Variants in IL15 observed in about 807,000 individuals in gnomAD.
The protein encoded by IL15 is interleukin-15.
In IL15, 11 loss-of-function variants were observed where a neutral mutation model predicts 19.6. The ratio of observed to expected loss-of-function variants is 0.56; its 90% CI spans 0.35 to 0.93. The LOEUF is 0.93. Ranked by LOEUF, IL15 falls within the 40% of genes least tolerant of loss-of-function variation. IL15 has a pLI of 0.01. For synonymous variants in IL15, 58 were observed against 59.6 expected (o/e 0.97, Z 0.12); for missense variants, 197 against 186.5 (o/e 1.06, Z -0.33).
At position 141,719,382 on chromosome 4, in the gene IL15, C is replaced by T; in HGVS notation, c.-83C>T. The T allele has an allele frequency of 2.8e-6, 2 of 714,418 alleles. No homozygotes were observed. Among genetic ancestry groups the T allele is most frequent in the Non-Finnish European group, 5.1e-6 (2 of 391,592 alleles). The allele number at this position is 714,418 out of a possible 1,614,324, so 44.3% of individuals were successfully genotyped here. A position where few individuals can be genotyped will look rare whatever the true frequency, so the allele number is the denominator to read the frequency against. ...TTACCCTAGATTGTATTGTAGGAGG[C>T]ATTGTGGATGGATGGCTGCTGGAAA... On this transcript the variant is annotated 5_prime_UTR_variant, in exon 3 of 8. Transcript: ENST00000320650.
chr4:141,664,945 CTGTG>C (rs1475779504), intron 2 of IL15, among the ~76,000 whole-genome samples: 1 of 151,526 alleles, frequency 6.6e-6, no homozygotes, highest in Non-Finnish European at 1.5e-5. Flanking sequence ...CTTTTGATTA[CTGTG>C]TAAGTTGAGT....
intron 2 of IL15, among the ~76,000 whole-genome samples, chr4:141,696,914 C>T (rs369192756): frequency 1.4e-3 from 215 of 152,010 alleles, no homozygotes; most frequent in African/African-American, 4.9e-3. Context: ...GAATATTAGT[C>T]TTTTGTCAGT....
chr4:141,671,189 C>G (rs1328667815), intron 2 of IL15, among the ~76,000 whole-genome samples: 1 of 152,156 alleles, frequency 6.6e-6, no homozygotes, highest in Non-Finnish European at 1.5e-5. Flanking sequence ...TGAGGAATCT[C>G]ATATTTTGTG....
At chr4:141,671,058 C>T (rs144527090) in intron 2 of IL15, among the ~76,000 whole-genome samples, 1 of 152,186 alleles carries the variant, frequency 6.6e-6, no homozygotes, top group East Asian at 1.9e-4. Flanking sequence ...TTCATCCATC[C>T]GTCTAACAAT....
intron 2 of IL15, among the ~76,000 whole-genome samples, chr4:141,666,046 A>ACT (rs1727960712): frequency 6.6e-6 from 1 of 151,668 alleles, no homozygotes; most frequent in African/African-American, 2.4e-5. Context: ...AGGACTCAGA[A>ACT]AACAGAATCT....
At chr4:141,721,086 A>G in intron 4 of IL15, 1 of 1,453,824 alleles carries the variant, frequency 6.9e-7, no homozygotes, top group African/African-American at 1.4e-5. Context: ...AGTTGGCCCA[A>G]AGCACCTAAC....
At chr4:141,703,004 G>A (rs1375004765) in intron 2 of IL15, among the ~76,000 whole-genome samples, 2 of 152,270 alleles carry the variant, frequency 1.3e-5, no homozygotes, top group Non-Finnish European at 2.9e-5. Context: ...AACTGCCTCT[G>A]CTATGCAGAA....
At chr4:141,639,087 G>T (rs941969983) in intron 1 of IL15, among the ~76,000 whole-genome samples, 3 of 152,216 alleles carry the variant, frequency 2.0e-5, no homozygotes, top group African/African-American at 7.2e-5. Flanking sequence ...ATTGTTCTAA[G>T]GATGTATTTT....
At chr4:141,680,152 A>T (rs1398111292) in intron 2 of IL15, among the ~76,000 whole-genome samples, 1 of 152,160 alleles carries the variant, frequency 6.6e-6, no homozygotes, top group East Asian at 1.9e-4. Context: ...TTACCTTGCC[A>T]TCCTGTCAGT....
At chr4:141,670,726 C>T (rs995888507) in intron 2 of IL15, among the ~76,000 whole-genome samples, 1 of 152,094 alleles carries the variant, frequency 6.6e-6, no homozygotes, top group Non-Finnish European at 1.5e-5. Context: ...GTATTACTTT[C>T]ATATATGTAA....
chr4:141,697,779 G>A (rs986586961), intron 2 of IL15, among the ~76,000 whole-genome samples: 9 of 151,230 alleles, frequency 6.0e-5, no homozygotes, highest in South Asian at 2.1e-4. Flanking sequence ...AAAAGGGGTC[G>A]AATGACAATT....
In IL15 at chr4:141,639,776, A is replaced by G. The variant is rs147473499; in HGVS notation, c.-222+3028A>G. On this transcript the variant is annotated intron_variant, in intron 1 of 7. Transcript: ENST00000320650. Reference sequence around the variant, plus strand: ...CTTACCCGTTGATTACAGTAACTGCATGAGACTACTGACACTGAACATTGC... The same window carrying G: ...CTTACCCGTTGATTACAGTAACTGCGTGAGACTACTGACACTGAACATTGC... Among the ~76,000 whole-genome samples the G allele has an allele frequency of 4.3e-3, 654 of 152,340 alleles. 5 individuals carry two copies. Among genetic ancestry groups the G allele is most frequent in the African/African-American group, 0.014 (585 of 41,582 alleles).
intron 2 of IL15, among the ~76,000 whole-genome samples, chr4:141,690,374 C>T (rs1180968012): frequency 3.9e-5 from 6 of 152,158 alleles, no homozygotes; most frequent in African/African-American, 1.4e-4. Flanking sequence ...GAGGAGTCGC[C>T]GAGAGCGAGC....
intron 2 of IL15, among the ~76,000 whole-genome samples, chr4:141,680,670 C>T (rs1473304174): frequency 6.6e-6 from 1 of 152,160 alleles, no homozygotes; most frequent in Non-Finnish European, 1.5e-5. Context: ...CAAACACTTT[C>T]CTTTATTTTA....
chr4:141,663,656 G>A (rs1727867573), intron 2 of IL15, among the ~76,000 whole-genome samples: 1 of 152,178 alleles, frequency 6.6e-6, no homozygotes, highest in Non-Finnish European at 1.5e-5. Flanking sequence ...TTCCTCCCAG[G>A]TATGGGATAT....
chr4:141,644,182 C>T (rs76553828), intron 1 of IL15, among the ~76,000 whole-genome samples: 3,103 of 151,916 alleles, frequency 0.02, 110 homozygotes, highest in African/African-American at 0.07. Flanking sequence ...GCAAAAGTGC[C>T]TGCTGCTTGT....
chr4:141,721,118 C>T (rs768442956), intron 4 of IL15: 41 of 1,527,672 alleles, frequency 2.7e-5, no homozygotes, highest in Admixed American at 3.5e-5. Flanking sequence ...TAATCTGACT[C>T]TCAGTTCAGT....
intron 2 of IL15, among the ~76,000 whole-genome samples, chr4:141,692,836 G>A (rs919687313): frequency 6.6e-6 from 1 of 151,648 alleles, no homozygotes; most frequent in African/African-American, 2.4e-5. Flanking sequence ...CCTCCAAACT[G>A]TTCCAACGTC....
intron 2 of IL15, among the ~76,000 whole-genome samples, chr4:141,669,100 G>A (rs1023750550): frequency 7.2e-5 from 11 of 152,046 alleles, no homozygotes; most frequent in Non-Finnish European, 1.6e-4. Flanking sequence ...TTAAAATGAT[G>A]ACAAAATAGT....
Sources: allele counts gnomAD v4.1 joint callset (sites outside exome capture counted in the v4.1 genomes callset), GRCh38; gene constraint gnomAD v4.1.1; transcripts MANE v1.5; gene names NCBI Gene and HGNC (gene_info 2026-07-23, HGNC 2026-07-21).